SPSB4: variants seen among roughly 807,000 people sequenced by gnomAD.
SPSB4 encodes the protein splA/ryanodine receptor domain and SOCS box containing 4, also known as SPRY domain-containing SOCS box protein 4.
In SPSB4, 21 loss-of-function variants were observed where a neutral mutation model predicts 20.9. The ratio of observed to expected loss-of-function variants is 1.01; its 90% CI spans 0.71 to 1.45. The LOEUF (loss-of-function observed/expected upper bound fraction) is 1.45, where lower values mean the gene tolerates loss of function less well. Ranked by LOEUF, SPSB4 falls within the 40% of genes most tolerant of loss-of-function variation. The pLI, the probability that SPSB4 is intolerant of heterozygous loss-of-function variation, is 0.00. For synonymous variants in SPSB4, 207 were observed against 183.8 expected, an observed-to-expected ratio of 1.13 and a Z score of -1.02; for missense variants, 399 against 399.2, an observed-to-expected ratio of 1.00 and a Z score of 0.00.
intron 2 of SPSB4, among the ~76,000 whole-genome samples, chr3:141,067,145 C>T (rs1576516934): frequency 6.6e-6 from 1 of 152,186 alleles, no homozygotes; most frequent in East Asian, 1.9e-4. Context: ...TGCCAATTAC[C>T]AATCTTCCAG....
At chr3:141,077,401 A>G (rs1938138507) in intron 2 of SPSB4, 1 of 152,240 alleles carries the variant, frequency 6.6e-6, no homozygotes, top group Admixed American at 6.5e-5. Context: ...TCCCACGCCC[A>G]TGATCTCACT....
At chr3:141,088,855 A>T (rs1229685555) in intron 2 of SPSB4, among the ~76,000 whole-genome samples, 1 of 152,126 alleles carries the variant, frequency 6.6e-6, no homozygotes. Context: ...AGCTATCTGC[A>T]CCCACATCTT....
Position 141,137,105 on chromosome 3 carries a change from T to G in SPSB4, c.695-10037T>G, listed in dbSNP as rs574504291. The stretch of plus-strand genomic sequence containing the variant: ...GTATTTTATTCTCTTTGAAGCAACT[T>G]TGAATGGGAGTTCACTCATGATTTG... On this transcript the variant is annotated intron_variant, in intron 2 of 2. Coordinates refer to ENST00000310546, the MANE Select transcript of SPSB4 (RefSeq NM_080862.3). Among the ~76,000 whole-genome samples, 11 of 152,212 alleles carry G rather than the reference T, an allele frequency of 7.2e-5. No individual in the cohort carries two copies. In the South Asian group the frequency reaches 1.0e-3, roughly 14 times the overall value.
intron 2 of SPSB4, among the ~76,000 whole-genome samples, chr3:141,107,030 T>C (rs1460778201): frequency 6.6e-6 from 1 of 152,186 alleles, no homozygotes; most frequent in African/African-American, 2.4e-5. Context: ...TCCACTCTCA[T>C]GGGCCCCACT....
intron 2 of SPSB4, among the ~76,000 whole-genome samples, chr3:141,112,965 A>G (rs1938827294): frequency 6.6e-6 from 1 of 152,150 alleles, no homozygotes. Flanking sequence ...CATGTCTTGG[A>G]CAGATGCCTG....
At chr3:141,109,204 A>G (rs1938753941) in intron 2 of SPSB4, among the ~76,000 whole-genome samples, 1 of 152,130 alleles carries the variant, frequency 6.6e-6, no homozygotes, top group Admixed American at 6.5e-5. Context: ...GGTGTTTCCC[A>G]CAAATACACA....
At chr3:141,107,550 TC>T (rs1252124241) in intron 2 of SPSB4, among the ~76,000 whole-genome samples, 1 of 152,196 alleles carries the variant, frequency 6.6e-6, no homozygotes, top group Non-Finnish European at 1.5e-5. Flanking sequence ...AGAAAGGTAG[TC>T]CCTTAGGTTT....
chr3:141,137,425 G>T (rs912253864), intron 2 of SPSB4, among the ~76,000 whole-genome samples: 1 of 152,140 alleles, frequency 6.6e-6, no homozygotes, highest in Non-Finnish European at 1.5e-5. Context: ...TTTTCAAAGG[G>T]AATGCTTCCA....
rs1576515910 is a variant in SPSB4, at chr3:141,065,960, G to A, written c.-145G>A. 1.4e-6 allele frequency: 1 copy of A among 702,866 alleles called. No individual in the cohort carries two copies. Among genetic ancestry groups the A allele is most frequent in the Non-Finnish European group, 2.2e-6 (1 of 457,066 alleles). The allele number at this position is 702,866 out of a possible 1,614,324, so 43.5% of individuals were successfully genotyped here. On this transcript the variant is annotated 5_prime_UTR_variant, in exon 2 of 3. Coordinates refer to ENST00000310546, the MANE Select transcript of SPSB4 (RefSeq NM_080862.3). ...CCTTTGCTTCCTTCCAGGAGCTTGG[G>A]CCCCTGCCGCAGCCCGGTAGAGGCT...
rs1167393092 is a variant in SPSB4 at position 141,066,373 on chromosome 3, A to G, written c.269A>G (p.Lys90Arg). ...VAQSTDGIRG[K>R]VGHARGLHAW... Reference sequence around the variant, plus strand: ...CAGAGCACCGACGGCATCCGCGGCAAGGTGGGCCACGCCCGCGGCCTGCAC... The same window carrying G: ...CAGAGCACCGACGGCATCCGCGGCAGGGTGGGCCACGCCCGCGGCCTGCAC... The change falls in exon 2 of 3, where the codon AAG becomes AGG. Residue 90 changes from lysine to arginine, a missense_variant. Lys to Arg is a conservative substitution (Grantham distance 26). Transcript: ENST00000310546. 6.4e-7 allele frequency: 1 copy of G among 1,552,234 alleles called. No individual in the cohort carries two copies. Among genetic ancestry groups the G allele is most frequent in the East Asian group, 2.4e-5 (1 of 41,142 alleles).
chr3:141,134,440 A>T (rs1185177573), intron 2 of SPSB4, among the ~76,000 whole-genome samples: 1 of 152,078 alleles, frequency 6.6e-6, no homozygotes, highest in Non-Finnish European at 1.5e-5. Context: ...TCAGTAGTTT[A>T]ATGTTGGCAT....
Position 141,066,482 on chromosome 3 carries a change from C to T in SPSB4, c.378C>T (p.Ser126=), listed in dbSNP as rs1172998617. 4.0e-6 allele frequency: 6 copies of T among 1,500,278 alleles called. No individual in the cohort carries two copies. Among genetic ancestry groups the T allele is most frequent in the East Asian group, 2.4e-5 (1 of 41,234 alleles). The allele number at this position is 1,500,278 out of a possible 1,614,324, so 92.9% of individuals were successfully genotyped here. ...CCACGGCCCGTGCTCCCCTGCACTC[C>T]GTGGGCTACACGGCGCTGGTAGGCA... is the stretch of plus-strand genomic sequence containing the variant. ...GVATARAPLH[S]VGYTALVGSD... The change falls in exon 2 of 3, where the codon TCC becomes TCT. Residue 126 remains serine (S), a synonymous_variant. Transcript: ENST00000310546.
chr3:141,067,313 C>T (rs1403533127), intron 2 of SPSB4, among the ~76,000 whole-genome samples: 2 of 152,184 alleles, frequency 1.3e-5, no homozygotes, highest in Non-Finnish European at 2.9e-5. Context: ...ATTTGAGAGG[C>T]TGAACACCCC....
intron 2 of SPSB4, among the ~76,000 whole-genome samples, chr3:141,083,042 G>A (rs1045295547): frequency 1.3e-5 from 2 of 151,856 alleles, no homozygotes; most frequent in Middle Eastern, 3.4e-3. Context: ...ATGATGAGCT[G>A]CACCAGGCTT....
At chr3:141,074,599 T>C (rs1468588892) in intron 2 of SPSB4, among the ~76,000 whole-genome samples, 1 of 152,198 alleles carries the variant, frequency 6.6e-6, no homozygotes, top group African/African-American at 2.4e-5. Context: ...TGTTTAGCCT[T>C]CCCTGTGAGC....
chr3:141,085,813 C>G (rs1434687500), intron 2 of SPSB4, among the ~76,000 whole-genome samples: 2 of 152,206 alleles, frequency 1.3e-5, no homozygotes, highest in African/African-American at 4.8e-5. Flanking sequence ...GGTCCCCTCC[C>G]TAGGGATTCC....
intron 2 of SPSB4, among the ~76,000 whole-genome samples, chr3:141,088,618 C>G (rs1938394453): frequency 6.6e-6 from 1 of 152,176 alleles, no homozygotes; most frequent in South Asian, 2.1e-4. Context: ...GGGGATACCC[C>G]TCAATGACTC....
intron 1 of SPSB4, among the ~76,000 whole-genome samples, chr3:141,056,229 T>A (rs1008924715): frequency 1.3e-5 from 2 of 152,258 alleles, no homozygotes; most frequent in African/African-American, 4.8e-5. Context: ...TATGGTGAAC[T>A]GGAGCTCTGC....
chr3:141,058,485 G>T (rs1937699873), intron 1 of SPSB4, among the ~76,000 whole-genome samples: 1 of 152,184 alleles, frequency 6.6e-6, no homozygotes. Context: ...CGTTCTTCAG[G>T]ATGCTGGCTG....
Sources: allele counts gnomAD v4.1 joint callset (sites outside exome capture counted in the v4.1 genomes callset), GRCh38; gene constraint gnomAD v4.1.1; transcripts MANE v1.5; gene names NCBI Gene and HGNC (gene_info 2026-07-23, HGNC 2026-07-21).